Variants in ESF1 observed in about 807,000 individuals in gnomAD.
ESF1 encodes the protein ESF1 homolog.
In ESF1, 58 loss-of-function variants were observed where a neutral mutation model predicts 92.0. The observed-to-expected ratio is 0.63, with a 90% CI of 0.51 to 0.78. ESF1 has a LOEUF of 0.78. Ranked by LOEUF, ESF1 falls within the 30% of genes least tolerant of loss-of-function variation. ESF1 has a pLI of 0.00. For missense variants in ESF1, 922 were observed against 989.1 expected (o/e 0.93, Z 0.91); for synonymous variants, 321 against 313.7 (o/e 1.02, Z -0.24).
chr20:13,762,638 G>C (rs1212673975), intron 8 of ESF1, among the ~76,000 whole-genome samples: 2 of 151,984 alleles, frequency 1.3e-5, no homozygotes, highest in African/African-American at 4.8e-5. Context: ...AGGAGTGAAA[G>C]AATAATAATT....
chr20:13,746,205 T>A (rs777899629), intron 9 of ESF1, among the ~76,000 whole-genome samples: 1 of 152,226 alleles, frequency 6.6e-6, no homozygotes, highest in Non-Finnish European at 1.5e-5. Flanking sequence ...CCTCAAGTGA[T>A]CTGCCTGTCT....
At chr20:13,728,731 G>A (rs1003453743) in intron 10 of ESF1, among the ~76,000 whole-genome samples, 1 of 151,888 alleles carries the variant, frequency 6.6e-6, no homozygotes, top group African/African-American at 2.4e-5. Flanking sequence ...GCTGGGCATG[G>A]TGGTGCATGC....
At chr20:13,733,157 C>T (rs2049954919) in intron 10 of ESF1, among the ~76,000 whole-genome samples, 1 of 151,992 alleles carries the variant, frequency 6.6e-6, no homozygotes, top group South Asian at 2.1e-4. Context: ...AATTCCTGAC[C>T]TCAGGTGATC....
At chr20:13,716,294 A>C (rs2049824416) in intron 13 of ESF1, among the ~76,000 whole-genome samples, 1 of 152,124 alleles carries the variant, frequency 6.6e-6, no homozygotes, top group South Asian at 2.1e-4. Context: ...AGGAATATGT[A>C]CTCAACAAAA....
intron 9 of ESF1, among the ~76,000 whole-genome samples, chr20:13,753,520 T>C (rs1255375653): frequency 6.6e-6 from 1 of 151,634 alleles, no homozygotes; most frequent in Admixed American, 6.6e-5. Context: ...AGATATCTAA[T>C]GACCACAGAT....
rs533973674 is a variant in ESF1, at chr20:13,774,422, T to C, written c.1149+735A>G. ...CAAAATCTGAAATTCTAAACACTTC[T>C]GATCCCAAGCATTTTGGATAAGGGA... On this transcript the variant is annotated intron_variant, in intron 4 of 13. Coordinates refer to ENST00000617257, the MANE Select transcript of ESF1 (RefSeq NM_001276380.2). 9.6e-4 allele frequency among the ~76,000 whole-genome samples: 147 copies of C among 152,346 alleles called. 1 individual carries two copies. The highest frequency in any genetic ancestry group is 3.5e-3 in the African/African-American group (144 of 41,582).
intron 2 of ESF1, among the ~76,000 whole-genome samples, chr20:13,777,053 T>C (rs961836195): frequency 2.6e-5 from 4 of 152,214 alleles, no homozygotes; most frequent in African/African-American, 9.6e-5. Flanking sequence ...CTTTTGGATA[T>C]TGTCATCCTC....
Position 13,783,072 on chromosome 20 carries a change from C to T in ESF1, c.69G>A (p.Trp23Ter). Reference protein sequence around the residue: ...FRRVAKDPRFWEMPEKDRKVK... With the variant: ...FRRVAKDPRF ...CTTTTCGATCCTTTTCTGGCATTTCCCAAAATCTCGGGTCCTTTGCAACCC... is the reference window on the plus strand; with the variant it reads ...CTTTTCGATCCTTTTCTGGCATTTCTCAAAATCTCGGGTCCTTTGCAACCC... The change falls in exon 2 of 14, where the codon TGG (tryptophan) becomes TGA (stop). Residue 23 changes from tryptophan to a stop codon, truncating the protein, a stop_gained. Coordinates refer to ENST00000617257, the MANE Select transcript of ESF1 (RefSeq NM_001276380.2). LOFTEE classifies it high-confidence loss of function. The T allele has an allele frequency of 6.2e-7, 1 of 1,613,814 alleles. No homozygotes were observed.
chr20:13,759,958 T>C, intron 8 of ESF1, 105 bp from the exon 9 acceptor site: 1 of 1,418,182 alleles, frequency 7.1e-7, no homozygotes, highest in African/African-American at 1.5e-5. Flanking sequence ...GACCACAGGA[T>C]ATCAAAATCA....
chr20:13,765,767 A>T (rs562359775), intron 8 of ESF1, among the ~76,000 whole-genome samples: 1 of 152,352 alleles, frequency 6.6e-6, no homozygotes, highest in South Asian at 2.1e-4. Context: ...ACCAAAGTAA[A>T]TTAAAGTCTT....
At position 13,782,501 on chromosome 20, in the gene ESF1, T is replaced by A. The variant is rs772942167; in HGVS notation, c.637+3A>T. On this transcript the variant is annotated splice_donor_region_variant and intron_variant, in intron 2 of 13. Coordinates refer to ENST00000617257, the MANE Select transcript of ESF1 (RefSeq NM_001276380.2). The stretch of plus-strand genomic sequence containing the variant: ...CAAGAATCTCTAATTTTTTCCAACC[T>A]ACCTGATTGCATTTCTCTTCTTGTC... 3.0e-5 allele frequency: 45 copies of A among 1,499,792 alleles called. No individual in the cohort carries two copies. The highest frequency in any genetic ancestry group is 4.0e-5 in the Non-Finnish European group (45 of 1,132,090). The allele number at this position is 1,499,792 out of a possible 1,614,324, so 92.9% of individuals were successfully genotyped here.
rs569258153 is a variant in ESF1 at position 13,762,576 on chromosome 20, TG to T, written c.1667-2724del. 3.1e-3 allele frequency among the ~76,000 whole-genome samples: 477 copies of T among 152,344 alleles called. 4 individuals carry two copies. Among genetic ancestry groups the T allele is most frequent in the Middle Eastern group, 0.017 (5 of 294 alleles). On this transcript the variant is annotated intron_variant, in intron 8 of 13. Coordinates refer to ENST00000617257, the MANE Select transcript of ESF1 (RefSeq NM_001276380.2). ...AAATGTGGGATAAGTCATGTAGCTC[TG>T]TTTTTTCCCAATTCAAGGACACTAG...
chr20:13,760,503 G>A (rs1450694241), intron 8 of ESF1, among the ~76,000 whole-genome samples: 1 of 151,374 alleles, frequency 6.6e-6, no homozygotes, highest in Non-Finnish European at 1.5e-5. Flanking sequence ...GAGAAGTGAG[G>A]AGACCCTCCA....
rs1239795491 is a variant in ESF1 at position 13,775,854 on chromosome 20, T to C, written c.1035+19A>G. 1 of 1,568,462 alleles carries C rather than the reference T, an allele frequency of 6.4e-7. No homozygotes were observed. Among genetic ancestry groups the C allele is most frequent in the South Asian group, 1.2e-5 (1 of 81,582 alleles). ...GTACTGTGTTTTTCACAAATAATCT[T>C]GTTTATTCAAAAGGTTACCTCATCA... On this transcript the variant is annotated intron_variant, in intron 3 of 13. Coordinates refer to ENST00000617257, the MANE Select transcript of ESF1 (RefSeq NM_001276380.2).
chr20:13,758,957 T>A (rs888350006), intron 9 of ESF1, among the ~76,000 whole-genome samples: 3 of 152,216 alleles, frequency 2.0e-5, no homozygotes, highest in African/African-American at 7.2e-5. Flanking sequence ...TCTACAGCTA[T>A]GATAAAGTTT....
chr20:13,716,991 G>A (rs1289357092), intron 13 of ESF1, among the ~76,000 whole-genome samples: 1 of 151,450 alleles, frequency 6.6e-6, no homozygotes, highest in Non-Finnish European at 1.5e-5. Context: ...CTAATTTTTT[G>A]TATTTTTAGT....
intron 9 of ESF1, among the ~76,000 whole-genome samples, chr20:13,748,519 CATATAT>C (rs201176775): frequency 0.052 from 6,886 of 131,410 alleles, 222 homozygotes; most frequent in Non-Finnish European, 0.065. Flanking sequence ...TATATATACA[CATATAT>C]ATATACACAT....
intron 11 of ESF1, among the ~76,000 whole-genome samples, chr20:13,724,443 A>G (rs780068661): frequency 1.3e-5 from 2 of 152,228 alleles, no homozygotes; most frequent in Non-Finnish European, 2.9e-5. Context: ...CTGACTCCCT[A>G]TGGGAATCCA....
chr20:13,784,916 A>G lies in ESF1; in HGVS notation c.-80T>C, dbSNP rs1600303551. 1.4e-6 allele frequency: 1 copy of G among 691,110 alleles called. No individual in the cohort carries two copies. The highest frequency in any genetic ancestry group is 2.4e-6 in the Non-Finnish European group (1 of 410,598). 42.8% of individuals were successfully genotyped at this position (691,110 alleles called of 1,614,324 possible). A position where few individuals can be genotyped will look rare whatever the true frequency, so the allele number is the denominator to read the frequency against. On this transcript the variant is annotated 5_prime_UTR_variant, in exon 1 of 14. Transcript: ENST00000617257. ...CTACCAAGCCTCACGTGGGGCTCAC[A>G]CCCACAATCCTCCGCGTGACGCTCC...
Sources: allele counts gnomAD v4.1 joint callset (sites outside exome capture counted in the v4.1 genomes callset), GRCh38; gene constraint gnomAD v4.1.1; transcripts MANE v1.5; gene names NCBI Gene and HGNC (gene_info 2026-07-23, HGNC 2026-07-21).